The following GPC5 variants were observed in gnomAD, a reference collection of about 807,000 sequenced individuals.
GPC5 encodes glypican-5.
A neutral mutation model predicts 53.9 loss-of-function variants in GPC5; 47 were observed. The observed-to-expected ratio is 0.87, with a 90% CI of 0.69 to 1.11. The LOEUF (loss-of-function observed/expected upper bound fraction) is 1.11. GPC5 is among the 50% of genes most tolerant of loss of function. The probability of loss-of-function intolerance (pLI) is 0.00; values close to 1 mark genes in which losing one functional copy is unlikely to be tolerated. For synonymous variants in GPC5, 286 were observed against 263.3 expected, an observed-to-expected ratio of 1.09 and a Z score of -0.84; for missense variants, 748 against 713.1, an observed-to-expected ratio of 1.05 and a Z score of -0.56.
At chr13:91,445,696 A>G (rs929157302) in intron 1 of GPC5, among the ~76,000 whole-genome samples, 3 of 152,108 alleles carry the variant, frequency 2.0e-5, no homozygotes, top group African/African-American at 7.2e-5. Context: ...GCTGGTCTCG[A>G]ACTCCTGACC....
In GPC5 at chr13:91,547,846, A is replaced by G. The variant is rs370751355; in HGVS notation, c.325+98924A>G. ...ATTTGAAAATCAATTAATGATTTCA[A>G]TATGCTAAAAAACAAAAATCATATT... On this transcript the variant is annotated intron_variant, in intron 2 of 7. Transcript: ENST00000377067. Among the ~76,000 whole-genome samples the G allele has an allele frequency of 1.6e-3, 250 of 152,308 alleles. 3 individuals are homozygous for G. The highest frequency in any genetic ancestry group is 5.7e-3 in the African/African-American group (239 of 41,594).
chr13:92,108,841 C>A (rs1352626850), intron 6 of GPC5, among the ~76,000 whole-genome samples: 1 of 152,070 alleles, frequency 6.6e-6, no homozygotes, highest in African/African-American at 2.4e-5. Context: ...CTAGACCTGC[C>A]AAGATTACCT....
At chr13:92,783,383 G>A (rs1876100983) in intron 7 of GPC5, among the ~76,000 whole-genome samples, 1 of 152,180 alleles carries the variant, frequency 6.6e-6, no homozygotes, top group South Asian at 2.1e-4. Context: ...ATGATATTGT[G>A]AAGAAATGTC....
chr13:91,690,027 C>T (rs1177754523), intron 2 of GPC5, among the ~76,000 whole-genome samples: 1 of 152,170 alleles, frequency 6.6e-6, no homozygotes, highest in East Asian at 1.9e-4. Context: ...AGCATCACCA[C>T]AAACATGTAA....
chr13:92,021,518 G>A (rs2040758125), intron 6 of GPC5, among the ~76,000 whole-genome samples: 1 of 152,158 alleles, frequency 6.6e-6, no homozygotes, highest in Admixed American at 6.5e-5. Flanking sequence ...CTTTCAGTCA[G>A]GCAGGATGAA....
At chr13:91,736,437 CT>C (rs1257746713) in intron 4 of GPC5, among the ~76,000 whole-genome samples, 1 of 150,944 alleles carries the variant, frequency 6.6e-6, no homozygotes, top group Non-Finnish European at 1.5e-5. Flanking sequence ...TTTCCACAAT[CT>C]TTTTTTTGCC....
intron 5 of GPC5, among the ~76,000 whole-genome samples, chr13:91,827,807 C>G (rs537170442): frequency 6.6e-6 from 1 of 152,140 alleles, no homozygotes; most frequent in South Asian, 2.1e-4. Flanking sequence ...ATACACACCA[C>G]TTACTCCTTA....
At chr13:92,099,400 C>G (rs2041447661) in intron 6 of GPC5, among the ~76,000 whole-genome samples, 1 of 152,176 alleles carries the variant, frequency 6.6e-6, no homozygotes, top group Non-Finnish European at 1.5e-5. Flanking sequence ...ATATCACGCT[C>G]TTTAGTGTCT....
At chr13:92,601,959 G>A (rs1174075360) in intron 7 of GPC5, among the ~76,000 whole-genome samples, 1 of 151,392 alleles carries the variant, frequency 6.6e-6, no homozygotes, top group African/African-American at 2.4e-5. Flanking sequence ...TGAAGCCTAT[G>A]TCATAGATCA....
intron 3 of GPC5, among the ~76,000 whole-genome samples, chr13:91,721,068 T>C (rs887304977): frequency 2.5e-3 from 4 of 1,574 alleles, no homozygotes; most frequent in African/African-American, 7.1e-3. Flanking sequence ...TCCTTCCCTT[T>C]CTTTCTTTCT....
chr13:91,518,824 A>G (rs1885647575), intron 2 of GPC5, among the ~76,000 whole-genome samples: 1 of 152,174 alleles, frequency 6.6e-6, no homozygotes, highest in East Asian at 1.9e-4. Flanking sequence ...AAGTGCTGGG[A>G]TTACAGGTGT....
intron 7 of GPC5, among the ~76,000 whole-genome samples, chr13:92,147,459 A>T (rs927639219): frequency 6.6e-6 from 1 of 152,054 alleles, no homozygotes; most frequent in Admixed American, 6.6e-5. Flanking sequence ...GAAGTTATTT[A>T]CAAGTTCAAG....
At chr13:92,233,311 C>T (rs927206695) in intron 7 of GPC5, among the ~76,000 whole-genome samples, 1 of 152,154 alleles carries the variant, frequency 6.6e-6, no homozygotes, top group African/African-American at 2.4e-5. Context: ...TTGCCATTTT[C>T]CTGCAGTTTT....
chr13:91,791,705 A>G (rs2037967588), intron 5 of GPC5, among the ~76,000 whole-genome samples: 1 of 149,396 alleles, frequency 6.7e-6, no homozygotes, highest in South Asian at 2.1e-4. Flanking sequence ...TAAAATTGAA[A>G]ATACTCTCTT....
chr13:92,017,997 C>T (rs1251242336), intron 6 of GPC5, among the ~76,000 whole-genome samples: 3 of 150,934 alleles, frequency 2.0e-5, no homozygotes, highest in South Asian at 4.2e-4. Flanking sequence ...CACACACACA[C>T]GAGTACACAC....
At chr13:92,663,917 CAA>C (rs1491218515) in intron 7 of GPC5, among the ~76,000 whole-genome samples, 1 of 123,330 alleles carries the variant, frequency 8.1e-6, no homozygotes, top group African/African-American at 3.2e-5. Flanking sequence ...CACACACACA[CAA>C]AAATTAGCTC....
At chr13:92,780,433 T>A (rs1875979747) in intron 7 of GPC5, among the ~76,000 whole-genome samples, 2 of 151,748 alleles carry the variant, frequency 1.3e-5, no homozygotes, top group Admixed American at 1.3e-4. Flanking sequence ...TCACTTAATA[T>A]AATTGCATGG....
At chr13:91,837,218 T>A (rs1054220443) in intron 5 of GPC5, among the ~76,000 whole-genome samples, 7 of 151,994 alleles carry the variant, frequency 4.6e-5, no homozygotes, top group Non-Finnish European at 4.4e-5. Flanking sequence ...TCCCTATTTT[T>A]AATTTTCTTT....
intron 7 of GPC5, among the ~76,000 whole-genome samples, chr13:92,658,712 G>C (rs1886220549): frequency 6.6e-6 from 1 of 152,032 alleles, no homozygotes; most frequent in Admixed American, 6.5e-5. Flanking sequence ...ATGACATAAA[G>C]CATAAGGAAA....
Sources: allele counts gnomAD v4.1 joint callset (sites outside exome capture counted in the v4.1 genomes callset), GRCh38; gene constraint gnomAD v4.1.1; transcripts MANE v1.5; gene names NCBI Gene and HGNC (gene_info 2026-07-23, HGNC 2026-07-21).